The following DDX11 variants were observed in gnomAD, a reference collection of about 807,000 sequenced individuals.
DDX11 encodes DEAD/H-box helicase 11.
In DDX11, 72 loss-of-function variants were observed where a neutral mutation model predicts 125.2. The ratio of observed to expected loss-of-function variants is 0.58; its 90% CI spans 0.48 to 0.70. The LOEUF (loss-of-function observed/expected upper bound fraction) is 0.70. DDX11 is among the 30% of genes least tolerant of loss of function. DDX11 has a pLI of 0.00. For missense variants in DDX11, 883 were observed against 1,165.0 expected, an observed-to-expected ratio of 0.76 and a Z score of 3.52; for synonymous variants, 347 against 452.6, an observed-to-expected ratio of 0.77 and a Z score of 2.96.
intron 1 of DDX11, among the ~76,000 whole-genome samples, chr12:31,076,201 G>A (rs574560416): frequency 1.3e-5 from 2 of 152,264 alleles, no homozygotes; most frequent in Non-Finnish European, 2.9e-5. Context: ...AAGCTGAAAG[G>A]TCCAGGGGCT....
intron 19 of DDX11, 25 bp downstream of exon 19, chr12:31,100,732 G>A (rs1281248903): frequency 3.5e-5 from 54 of 1,550,686 alleles, no homozygotes; most frequent in Non-Finnish European, 4.6e-5. Context: ...CCAGGGTGGG[G>A]CAGGCTAGAG....
At chr12:31,094,289 G>A (rs1451596347) in intron 12 of DDX11, 12 of 394,364 alleles carry the variant, frequency 3.0e-5, no homozygotes, top group East Asian at 6.1e-5. Context: ...TCTGTGCTCC[G>A]GTGCCCTGCA....
At chr12:31,088,949 C>A (rs1943655874) in intron 6 of DDX11, 95 bp from the exon 7 acceptor site, 1 of 989,616 alleles carries the variant, frequency 1.0e-6, no homozygotes, top group South Asian at 1.3e-5. Flanking sequence ...ACTCCCTTTC[C>A]CTCAGCCTCT....
chr12:31,093,062 T>C (rs1369229512), intron 11 of DDX11, among the ~76,000 whole-genome samples, 170 bp downstream of exon 11: 1 of 151,884 alleles, frequency 6.6e-6, no homozygotes, highest in Non-Finnish European at 1.5e-5. Context: ...CACACAGACC[T>C]GGAAGGCTGG....
intron 7 of DDX11, 56 bp downstream of exon 7, chr12:31,089,207 T>C (rs1943711394): frequency 6.6e-7 from 1 of 1,526,638 alleles, no homozygotes; most frequent in African/African-American, 1.4e-5. Context: ...CGCCACAACT[T>C]TGTCCTGCTC....
chr12:31,082,718 T>C lies in DDX11; in HGVS notation c.145-1095T>C, dbSNP rs1942221468. Among the ~76,000 whole-genome samples, 8 of 151,922 alleles carry C rather than the reference T, an allele frequency of 5.3e-5. No homozygotes were observed. The South Asian group carries it at 1.7e-3, about 32-fold the overall frequency. ...CTCTGGAAGAACTGTATTGGTTCCC[T>C]GGGGCTGCTAGAGGAAAGCTTCACA... On this transcript the variant is annotated intron_variant, in intron 2 of 26. Transcript: ENST00000542838.
At chr12:31,092,156 A>G (rs1199616303) in intron 10 of DDX11, among the ~76,000 whole-genome samples, 1 of 152,150 alleles carries the variant, frequency 6.6e-6, no homozygotes, top group Non-Finnish European at 1.5e-5. Context: ...GGGAGATGGC[A>G]TGTGTGAGGC....
chr12:31,103,949 G>A lies in DDX11; in HGVS notation c.*113G>A. 6.2e-7 allele frequency: 1 copy of A among 1,607,646 alleles called. No individual in the cohort carries two copies. The highest frequency in any genetic ancestry group is 1.1e-5 in the South Asian group (1 of 90,278). On this transcript the variant is annotated 3_prime_UTR_variant, in exon 27 of 27. Transcript: ENST00000542838. ...ATCCTGTTACAAAGGTGAAACCCAGGAGGAGAGTGTGGAGTCCAGAGTGCT... is the reference window on the plus strand; with the variant it reads ...ATCCTGTTACAAAGGTGAAACCCAGAAGGAGAGTGTGGAGTCCAGAGTGCT...
rs940911007 is a variant in DDX11 at position 31,104,747 on chromosome 12, A to G, written c.*911A>G. On this transcript the variant is annotated 3_prime_UTR_variant, in exon 27 of 27. Transcript: ENST00000542838. ...AAGTCACTGATGCCCAGATGTTTGCATCCTGCACAGCTATAGGTCCTTAAA... is the reference window on the plus strand; with the variant it reads ...AAGTCACTGATGCCCAGATGTTTGCGTCCTGCACAGCTATAGGTCCTTAAA... 4 of 153,632 alleles carry G rather than the reference A, an allele frequency of 2.6e-5. No individual in the cohort carries two copies. Among genetic ancestry groups the G allele is most frequent in the Non-Finnish European group, 4.3e-5 (3 of 69,084 alleles). The allele number at this position is 153,632 out of a possible 1,614,324, so 9.5% of individuals were successfully genotyped here. A position where few individuals can be genotyped will look rare whatever the true frequency, so the allele number is the denominator to read the frequency against.
At chr12:31,077,234 G>A (rs1443040212) in intron 1 of DDX11, among the ~76,000 whole-genome samples, 1 of 152,072 alleles carries the variant, frequency 6.6e-6, no homozygotes, top group Non-Finnish European at 1.5e-5. Flanking sequence ...CCTCCAGATA[G>A]CGTTTACTTC....
chr12:31,078,386 C>T lies in DDX11; in HGVS notation c.-4-4C>T. The T allele has an allele frequency of 3.1e-6, 5 of 1,609,664 alleles. No individual in the cohort carries two copies. Among genetic ancestry groups the T allele is most frequent in the Admixed American group, 1.7e-5 (1 of 59,578 alleles). ...CTCCCTAATGTTGTATTTATTTTTC[C>T]TAGGTCCATGGCTAATGAAACACAG... On this transcript the variant is annotated splice_region_variant and splice_polypyrimidine_tract_variant and intron_variant, in intron 1 of 26. Transcript: ENST00000542838.
chr12:31,100,255 C>A (rs1175561057), intron 18 of DDX11, among the ~76,000 whole-genome samples: 2 of 152,208 alleles, frequency 1.3e-5, no homozygotes, highest in Non-Finnish European at 2.9e-5. Flanking sequence ...ATGCCTGTTT[C>A]TCCAGAGTGG....
chr12:31,080,689 A>T (rs148713756), intron 2 of DDX11, among the ~76,000 whole-genome samples: 1 of 152,082 alleles, frequency 6.6e-6, no homozygotes, highest in Non-Finnish European at 1.5e-5. Context: ...GTAAGCCTCC[A>T]TATTACTTTG....
chr12:31,091,681 G>A, intron 9 of DDX11, 38 bp from the exon 10 acceptor site: 1 of 1,575,662 alleles, frequency 6.3e-7, no homozygotes. Context: ...CTGCAGGGGA[G>A]CCCCGCCCTG....
intron 12 of DDX11, 53 bp from the exon 13 acceptor site, chr12:31,094,537 G>A (rs1944872880): frequency 2.8e-6 from 4 of 1,408,076 alleles, no homozygotes; most frequent in African/African-American, 1.5e-5. Flanking sequence ...GATAGGGAAG[G>A]GTTGGGGGTC....
intron 2 of DDX11, among the ~76,000 whole-genome samples, chr12:31,082,844 G>A (rs1592608772): frequency 6.6e-6 from 1 of 152,308 alleles, no homozygotes; most frequent in African/African-American, 2.4e-5. Context: ...GGGTCGTGAG[G>A]GAAAGATCTC....
chr12:31,102,148 C>A, intron 21 of DDX11, 95 bp from the exon 22 acceptor site: 1 of 1,376,882 alleles, frequency 7.3e-7, no homozygotes, highest in Non-Finnish European at 1.0e-6. Flanking sequence ...CTGTGAGGTT[C>A]TCCAGTCCCC....
intron 6 of DDX11, 98 bp downstream of exon 6, chr12:31,088,081 T>C: frequency 6.5e-7 from 1 of 1,540,506 alleles, no homozygotes; most frequent in Non-Finnish European, 8.8e-7. Flanking sequence ...CTTCTCACCC[T>C]CCTCTCCACA....
chr12:31,097,179 C>A (rs543847162), intron 17 of DDX11, among the ~76,000 whole-genome samples, 189 bp downstream of exon 17: 1 of 145,924 alleles, frequency 6.9e-6, no homozygotes, highest in Admixed American at 6.7e-5. Flanking sequence ...GATCGAAGGG[C>A]TGGGATGGGG....
Sources: allele counts gnomAD v4.1 joint callset (sites outside exome capture counted in the v4.1 genomes callset), GRCh38; gene constraint gnomAD v4.1.1; transcripts MANE v1.5; gene names NCBI Gene and HGNC (gene_info 2026-07-23, HGNC 2026-07-21).